DISC1: variants seen among roughly 807,000 people sequenced by gnomAD.
DISC1 encodes DISC1 scaffold protein.
A neutral mutation model predicts 84.5 loss-of-function variants in DISC1; 57 were observed. The observed-to-expected ratio is 0.67, with a 90% confidence interval of 0.55 to 0.84. The LOEUF (loss-of-function observed/expected upper bound fraction) is 0.84. DISC1 is among the 40% of genes least tolerant of loss of function. The pLI, the probability that DISC1 is intolerant of heterozygous loss-of-function variation, is 0.00. For synonymous variants in DISC1, 411 were observed against 415.2 expected (o/e 0.99, Z 0.12); for missense variants, 1,000 against 1,057.8 (o/e 0.95, Z 0.76).
chr1:232,028,710 C>G (rs938082441), intron 12 of DISC1, among the ~76,000 whole-genome samples: 1 of 152,044 alleles, frequency 6.6e-6, no homozygotes, highest in Non-Finnish European at 1.5e-5. Flanking sequence ...AAGTGTTATC[C>G]AAGTCCATTT....
chr1:231,750,262 A>G, intron 4 of DISC1, 186 bp downstream of exon 4: 1 of 1,391,582 alleles, frequency 7.2e-7, no homozygotes, highest in South Asian at 1.8e-5. Flanking sequence ...TGGGTCATGC[A>G]TCTCTAGAAA....
chr1:231,916,645 A>C, intron 9 of DISC1, among the ~76,000 whole-genome samples: 1 of 118,808 alleles, frequency 8.4e-6, no homozygotes, highest in Admixed American at 9.8e-5. Flanking sequence ...ACAGAGCGAG[A>C]CTCCGTCTCA....
Position 231,771,055 on chromosome 1 carries a change from C to G in DISC1, c.1619C>G (p.Pro540Arg), listed in dbSNP as rs143165003. The part of the protein sequence containing the change: ...AGQIPFHAEP[P>R]ETIRSLQERI... ...CAGATTCCCTTCCATGCAGAGCCAC[C>G]GGAAACCATAAGGAGGTACTGCTGA... The change falls in exon 6 of 13, where the codon CCG becomes CGG. Residue 540 changes from proline to arginine, a missense_variant. This residue lies in a region of DISC1 where 397 missense variants were observed against 377.5 expected (regional missense o/e 1.05). Transcript: ENST00000439617. 69 of 1,602,730 alleles carry G rather than the reference C, an allele frequency of 4.3e-5. No homozygotes were observed. The highest frequency in any genetic ancestry group is 5.6e-5 in the Non-Finnish European group (66 of 1,173,900).
rs987692309 is a variant in DISC1, at chr1:231,771,324, C to T, written c.1634+254C>T. On this transcript the variant is annotated intron_variant, in intron 6 of 12. Coordinates refer to ENST00000439617, the MANE Select transcript of DISC1 (RefSeq NM_018662.3). Reference sequence around the variant, plus strand: ...CCTCCCCATTCCAATATGCACCCTCCCCATTTCCAAACACCCTCAGGACAC... The same window carrying T: ...CCTCCCCATTCCAATATGCACCCTCTCCATTTCCAAACACCCTCAGGACAC... The T allele has an allele frequency of 9.7e-5, 96 of 984,746 alleles. No homozygotes were observed. The Middle Eastern group carries it at 1.5e-3, about 16-fold the overall frequency. The allele number at this position is 984,746 out of a possible 1,614,324, so 61.0% of individuals were successfully genotyped here. A position where few individuals can be genotyped will look rare whatever the true frequency, so the allele number is the denominator to read the frequency against.
At chr1:231,649,510 G>A (rs1368280887) in intron 1 of DISC1, among the ~76,000 whole-genome samples, 2 of 152,214 alleles carry the variant, frequency 1.3e-5, no homozygotes, top group Non-Finnish European at 2.9e-5. Context: ...GTGCAATGTG[G>A]TGCTGAGAAG....
In DISC1 at chr1:232,031,203, GAGGA is replaced by G. The variant is rs1183457833; in HGVS notation, c.2425+4663_2425+4666del. Among the ~76,000 whole-genome samples, 1 of 146,204 alleles carries G rather than the reference GAGGA, an allele frequency of 6.8e-6. No individual in the cohort carries two copies. Among genetic ancestry groups the G allele is most frequent in the East Asian group, 2.0e-4 (1 of 4,974 alleles). ...AAGGGAGAAAGGAGAGACAGAGAGA[GAGGA>G]AGGAAGGAAGGGAGAAAGAGAGAGA... On this transcript the variant is annotated intron_variant, in intron 12 of 12. Coordinates refer to ENST00000439617, the MANE Select transcript of DISC1 (RefSeq NM_018662.3). The surrounding 1 kb of genome is among the most constrained non-coding windows in gnomAD (Gnocchi z 4.6).
chr1:231,912,742 CT>C (rs1553393983), intron 9 of DISC1, among the ~76,000 whole-genome samples: 22 of 132,474 alleles, frequency 1.7e-4, no homozygotes, highest in Admixed American at 1.5e-3. Flanking sequence ...GCAGCTTGCT[CT>C]TCTTTCTTTC....
At chr1:231,986,715 A>G (rs1438772947) in intron 10 of DISC1, among the ~76,000 whole-genome samples, 1 of 152,214 alleles carries the variant, frequency 6.6e-6, no homozygotes, top group Non-Finnish European at 1.5e-5. Flanking sequence ...AAGGAAAACA[A>G]TCCCCCACAG....
intron 3 of DISC1, among the ~76,000 whole-genome samples, chr1:231,706,534 G>T (rs1001989920): frequency 6.6e-6 from 1 of 152,184 alleles, no homozygotes; most frequent in African/African-American, 2.4e-5. Context: ...GAAAAGGAAG[G>T]AACACAATTT....
intron 10 of DISC1, among the ~76,000 whole-genome samples, chr1:231,968,047 TA>T (rs1661353888): frequency 6.6e-6 from 1 of 152,208 alleles, no homozygotes; most frequent in Admixed American, 6.5e-5. Flanking sequence ...CTTTACAATG[TA>T]AAATGTAAAT....
chr1:231,834,589 G>T (rs1164801438), intron 9 of DISC1, among the ~76,000 whole-genome samples: 1 of 152,162 alleles, frequency 6.6e-6, no homozygotes, highest in African/African-American at 2.4e-5. Context: ...CGGCATCGCA[G>T]AAGAAAATAA....
intron 4 of DISC1, among the ~76,000 whole-genome samples, chr1:231,763,257 C>T (rs1034561783): frequency 6.6e-6 from 1 of 152,160 alleles, no homozygotes; most frequent in East Asian, 1.9e-4. Flanking sequence ...CACCGGGACT[C>T]GGTTTCCTCA....
chr1:232,020,213 A>C (rs892084304), intron 11 of DISC1, among the ~76,000 whole-genome samples: 1 of 152,040 alleles, frequency 6.6e-6, no homozygotes, highest in Non-Finnish European at 1.5e-5. Context: ...ATGGTGGTGC[A>C]TGCCTGTAAT....
chr1:232,003,089 G>A (rs1666919127), intron 10 of DISC1, among the ~76,000 whole-genome samples: 1 of 151,942 alleles, frequency 6.6e-6, no homozygotes, highest in Non-Finnish European at 1.5e-5. Context: ...AAAAAAGAAG[G>A]GAATTTTTTT....
At chr1:232,014,662 A>C (rs2103013857) in intron 11 of DISC1, among the ~76,000 whole-genome samples, 1 of 152,332 alleles carries the variant, frequency 6.6e-6, no homozygotes, top group South Asian at 2.1e-4. Flanking sequence ...TATAGGACCA[A>C]GTATTTCTGT....
At chr1:232,002,628 CACACACACACAA>C (rs1341836725) in intron 10 of DISC1, among the ~76,000 whole-genome samples, 1 of 147,146 alleles carries the variant, frequency 6.8e-6, no homozygotes, top group African/African-American at 2.6e-5. Flanking sequence ...CACACACACA[CACACACACACAA>C]AAGCCAATCC....
At chr1:232,005,543 T>G (rs1157911462) in intron 10 of DISC1, among the ~76,000 whole-genome samples, 1 of 152,194 alleles carries the variant, frequency 6.6e-6, no homozygotes, top group African/African-American at 2.4e-5. Flanking sequence ...CTTTTCCTAT[T>G]TTGAGTTGTA....
chr1:232,026,723 T>C (rs540273568), intron 12 of DISC1, among the ~76,000 whole-genome samples, 171 bp downstream of exon 12: 1 of 151,988 alleles, frequency 6.6e-6, no homozygotes, highest in Admixed American at 6.6e-5. Flanking sequence ...GTTTTCGCTC[T>C]AGTTTTCAGT....
intron 9 of DISC1, among the ~76,000 whole-genome samples, chr1:231,921,516 T>A (rs548339291): frequency 6.6e-6 from 1 of 151,006 alleles, no homozygotes; most frequent in South Asian, 2.1e-4. Flanking sequence ...ATTATAATTT[T>A]ATGATATCAT....
Sources: allele counts gnomAD v4.1 joint callset (sites outside exome capture counted in the v4.1 genomes callset), GRCh38; gene constraint gnomAD v4.1.1; regional missense constraint gnomAD v4.1.1; non-coding constraint Gnocchi (gnomAD v3.1); transcripts MANE v1.5; gene names NCBI Gene and HGNC (gene_info 2026-07-23, HGNC 2026-07-21).